The following HOXA3 variants were observed in gnomAD, a reference collection of about 807,000 sequenced individuals.
HOXA3 encodes homeobox protein Hox-A3.
A neutral mutation model predicts 30.3 loss-of-function variants in HOXA3; 8 were observed. The ratio of observed to expected loss-of-function variants is 0.26; its 90% CI spans 0.15 to 0.48. The LOEUF (loss-of-function observed/expected upper bound fraction) is 0.48. HOXA3 is among the 20% of genes least tolerant of loss of function. HOXA3 has a pLI of 0.99. For synonymous variants in HOXA3, 323 were observed against 273.1 expected (o/e 1.18, Z -1.80); for missense variants, 653 against 614.4 (o/e 1.06, Z -0.66).
chr7:27,143,407 TCCGGAGCCAAAGTGG>T, intron 1 of HOXA3: 4 of 1,610,710 alleles, frequency 2.5e-6, no homozygotes, highest in Non-Finnish European at 3.4e-6. Context: ...GGGCGCGCTC[TCCGGAGCCAAAGTGG>T]CCGGAGCCCG....
chr7:27,152,511 G>T lies in HOXA3; in HGVS notation c.-717C>A, dbSNP rs1783011630. On this transcript the variant is annotated 5_prime_UTR_variant, in exon 1 of 6. Coordinates refer to ENST00000612286, the MANE Select transcript of HOXA3 (RefSeq NM_153631.3). ...GGCTTCCCTTCGCTCGCCATCTCCG[G>T]ACAAAGCACAGCCGAGCCCGGCTGG... is the stretch of plus-strand genomic sequence containing the variant. 2 of 1,174,708 alleles carry T rather than the reference G, an allele frequency of 1.7e-6. No homozygotes were observed. Among genetic ancestry groups the T allele is most frequent in the Non-Finnish European group, 2.1e-6 (2 of 935,032 alleles). The allele number at this position is 1,174,708 out of a possible 1,614,324, so 72.8% of individuals were successfully genotyped here.
rs548995068 is a variant in HOXA3 at position 27,110,747 on chromosome 7, C to G, written c.-107G>C. 8 of 1,543,522 alleles carry G rather than the reference C, an allele frequency of 5.2e-6. No homozygotes were observed. The South Asian group carries it at 8.2e-5, about 16-fold the overall frequency. On this transcript the variant is annotated 5_prime_UTR_variant, in exon 5 of 6. Transcript: ENST00000612286. Reference sequence around the variant, plus strand: ...CACGTGACACTCCGCCGCCAATGGCCGCCCCGCGCAGACCTGGTGGGGCGA... The same window carrying G: ...CACGTGACACTCCGCCGCCAATGGCGGCCCCGCGCAGACCTGGTGGGGCGA...
intron 3 of HOXA3, chr7:27,124,417 C>T (rs1043341291): frequency 6.6e-6 from 1 of 152,222 alleles, no homozygotes; most frequent in Non-Finnish European, 1.5e-5. Flanking sequence ...CCGCAGAAAA[C>T]CCAAGCCCGA....
At chr7:27,132,287 C>A (rs1785585890) in intron 2 of HOXA3, among the ~76,000 whole-genome samples, 1 of 152,160 alleles carries the variant, frequency 6.6e-6, no homozygotes, top group African/African-American at 2.4e-5. Context: ...GAGTCTGGAA[C>A]GCAGACAAGG....
rs547355586 is a variant in HOXA3 at position 27,109,650 on chromosome 7, T to C, written c.526+465A>G. Among the ~76,000 whole-genome samples, 54 of 152,340 alleles carry C rather than the reference T, an allele frequency of 3.5e-4. No individual in the cohort carries two copies. The South Asian group carries it at 0.011, about 30-fold the overall frequency. On this transcript the variant is annotated intron_variant, in intron 5 of 5. Transcript: ENST00000612286. ...TCCCAGAGGTAAGGCAGCCACTCCA[T>C]CTGCTGGAGCAAAAATTGGCTCTGA...
At position 27,117,059 on chromosome 7, in the gene HOXA3, G is replaced by A. The variant is rs187807469; in HGVS notation, c.-121+5500C>T. Among the ~76,000 whole-genome samples the A allele has an allele frequency of 3.2e-4, 49 of 152,282 alleles. 1 individual carries two copies. The highest frequency in any genetic ancestry group is 1.2e-3 in the African/African-American group (48 of 41,538). On this transcript the variant is annotated intron_variant, in intron 4 of 5. Coordinates refer to ENST00000612286, the MANE Select transcript of HOXA3 (RefSeq NM_153631.3). ...TCCCTACTGCAAGGAGCATAATAGA[G>A]TTTCCTGCACCTTTCCAGGGAGTTC...
rs1250515063 is a variant in HOXA3 at position 27,107,143 on chromosome 7, C to A, written c.*772G>T. 6.6e-6 allele frequency: 1 copy of A among 152,056 alleles called. No individual in the cohort carries two copies. Among genetic ancestry groups the A allele is most frequent in the African/African-American group, 2.4e-5 (1 of 41,282 alleles). The allele number at this position is 152,056 out of a possible 1,614,324, so 9.4% of individuals were successfully genotyped here. A position where few individuals can be genotyped will look rare whatever the true frequency, so the allele number is the denominator to read the frequency against. On this transcript the variant is annotated 3_prime_UTR_variant, in exon 6 of 6. Transcript: ENST00000612286. ...TTTCAGTTTTGCCGGATGTTACAAACCTAAATCACTGTTTTCAAAAGCTGG... is the reference window on the plus strand; with the variant it reads ...TTTCAGTTTTGCCGGATGTTACAAAACTAAATCACTGTTTTCAAAAGCTGG...
chr7:27,147,139 G>A, intron 1 of HOXA3: 2 of 689,006 alleles, frequency 2.9e-6, no homozygotes, highest in Non-Finnish European at 2.4e-6. Context: ...TGGCCTGATA[G>A]CCCCATTGGG....
At chr7:27,148,456 A>T (rs928354856) in intron 1 of HOXA3, among the ~76,000 whole-genome samples, 5 of 152,248 alleles carry the variant, frequency 3.3e-5, no homozygotes, top group African/African-American at 1.2e-4. Context: ...TGGGCCTTGC[A>T]GCCCAGAGCT....
At chr7:27,130,667 A>G (rs144521145) in intron 2 of HOXA3, 61 of 1,606,614 alleles carry the variant, frequency 3.8e-5, no homozygotes, top group Non-Finnish European at 5.0e-5. Context: ...TGCTGCGCGT[A>G]CTCCTCGAAG....
intron 2 of HOXA3, among the ~76,000 whole-genome samples, chr7:27,137,153 G>C (rs1042093976): frequency 6.6e-6 from 1 of 152,076 alleles, no homozygotes; most frequent in East Asian, 1.9e-4. Context: ...TAATTATTTC[G>C]ATATAATACT....
At chr7:27,109,909 C>A (rs1784263944) in intron 5 of HOXA3, 1 of 616,204 alleles carries the variant, frequency 1.6e-6, no homozygotes, top group Non-Finnish European at 2.8e-6. Flanking sequence ...GGACTCCCAG[C>A]AGGTCTCTGG....
chr7:27,116,727 C>T (rs900721375), intron 4 of HOXA3: 8 of 152,152 alleles, frequency 5.3e-5, no homozygotes, highest in Non-Finnish European at 1.0e-4. Context: ...TTAACTGGGT[C>T]AAAAATGCGC....
At chr7:27,144,835 C>G (rs375607639) in intron 1 of HOXA3, among the ~76,000 whole-genome samples, 67 of 152,354 alleles carry the variant, frequency 4.4e-4, no homozygotes, top group Admixed American at 1.4e-3. Context: ...TGCAGGCGCC[C>G]CTGGCACGTC....
intron 1 of HOXA3, among the ~76,000 whole-genome samples, chr7:27,145,129 GC>G (rs1157763185): frequency 6.6e-6 from 1 of 152,206 alleles, no homozygotes; most frequent in African/African-American, 2.4e-5. Context: ...GGCTTGGGAG[GC>G]CGCGACAAGG....
chr7:27,127,902 G>A (rs1191591082), intron 2 of HOXA3, among the ~76,000 whole-genome samples: 1 of 152,156 alleles, frequency 6.6e-6, no homozygotes, highest in Non-Finnish European at 1.5e-5. Flanking sequence ...GTAAAATTCA[G>A]TTTATTTGAA....
chr7:27,130,612 C>T, intron 2 of HOXA3: 8 of 1,547,316 alleles, frequency 5.2e-6, no homozygotes, highest in African/African-American at 1.4e-5. Flanking sequence ...CTGCTGGTAG[C>T]CGGGGCCCCC....
At position 27,107,953 on chromosome 7, in the gene HOXA3, C is replaced by T. The variant is rs1289116241; in HGVS notation, c.1294G>A (p.Gly432Arg). The change falls in exon 6 of 6, where the codon GGA (glycine) becomes AGA (arginine). Residue 432 changes from glycine (G) to arginine (R), a missense_variant. Coordinates refer to ENST00000612286, the MANE Select transcript of HOXA3 (RefSeq NM_153631.3). Reference sequence around the variant, plus strand: ...AGCTTGGGTGCTTCCTGAATTCTTCCCTGAGAAGGATGGTGGCCGGTAAGG... The same window carrying T: ...AGCTTGGGTGCTTCCTGAATTCTTCTCTGAGAAGGATGGTGGCCGGTAAGG... ...TDLTGHHPSQ[G>R]RIQEAPKLTH... The T allele has an allele frequency of 1.3e-6, 2 of 1,593,332 alleles. No homozygotes were observed. The highest frequency in any genetic ancestry group is 1.7e-6 in the Non-Finnish European group (2 of 1,164,648).
intron 1 of HOXA3, among the ~76,000 whole-genome samples, chr7:27,148,734 C>T (rs951710308): frequency 2.0e-5 from 3 of 152,264 alleles, no homozygotes; most frequent in Non-Finnish European, 2.9e-5. Context: ...GGGACCTGCT[C>T]CCCTGCCTAG....
Sources: allele counts gnomAD v4.1 joint callset (sites outside exome capture counted in the v4.1 genomes callset), GRCh38; gene constraint gnomAD v4.1.1; transcripts MANE v1.5; gene names NCBI Gene and HGNC (gene_info 2026-07-23, HGNC 2026-07-21).